NRXN3: variants seen among roughly 807,000 people sequenced by gnomAD.
NRXN3 encodes neurexin III.
In NRXN3, 32 loss-of-function variants were observed where a neutral mutation model predicts 137.6. The observed-to-expected ratio is 0.23, with a 90% CI of 0.18 to 0.31. The LOEUF (loss-of-function observed/expected upper bound fraction) is 0.31, where lower values mean the gene tolerates loss of function less well. Among genes scored for constraint, NRXN3 ranks in the 10% least tolerant of loss-of-function variants. The pLI is 1.00. For synonymous variants in NRXN3, 798 were observed against 784.5 expected (o/e 1.02, Z -0.29); for missense variants, 1,574 against 2,062.5 (o/e 0.76, Z 4.59).
chr14:79,044,040 A>G, intron 15 of NRXN3, among the ~76,000 whole-genome samples: 1 of 152,192 alleles, frequency 6.6e-6, no homozygotes, highest in East Asian at 1.9e-4. Flanking sequence ...ATGTCTCCAG[A>G]CATTTCCACA....
intron 16 of NRXN3, among the ~76,000 whole-genome samples, chr14:79,617,751 G>A (rs1312044649): frequency 6.6e-6 from 1 of 152,080 alleles, no homozygotes; most frequent in Admixed American, 6.6e-5. Flanking sequence ...AAATGAGACT[G>A]ACGAAGTGAC....
chr14:78,590,855 G>A (rs958865498), intron 4 of NRXN3, among the ~76,000 whole-genome samples: 3 of 152,060 alleles, frequency 2.0e-5, no homozygotes, highest in Admixed American at 6.5e-5. Context: ...CCAAGAGCAG[G>A]CCACTGCACT....
intron 15 of NRXN3, among the ~76,000 whole-genome samples, chr14:79,340,412 G>T (rs762248449): frequency 6.6e-6 from 1 of 152,082 alleles, no homozygotes; most frequent in Non-Finnish European, 1.5e-5. Flanking sequence ...AAAGTGTTTT[G>T]AGAACATTGA....
At chr14:78,214,911 C>G (rs1173107361) in intron 1 of NRXN3, among the ~76,000 whole-genome samples, 1 of 152,140 alleles carries the variant, frequency 6.6e-6, no homozygotes, top group African/African-American at 2.4e-5. Flanking sequence ...TGCCTGGGTT[C>G]CATATGGGCT....
At chr14:78,295,425 G>A (rs1324211080) in intron 3 of NRXN3, among the ~76,000 whole-genome samples, 1 of 152,136 alleles carries the variant, frequency 6.6e-6, no homozygotes, top group Non-Finnish European at 1.5e-5. Context: ...AACCTGATAA[G>A]TACATATTTG....
intron 4 of NRXN3, among the ~76,000 whole-genome samples, chr14:78,603,415 G>A (rs2097218174): frequency 1.3e-5 from 2 of 152,292 alleles, no homozygotes; most frequent in South Asian, 4.1e-4. Context: ...TGTCCTCTGA[G>A]GGATAAATTC....
rs553762716 is a variant in NRXN3 at position 79,286,798 on chromosome 14, A to G, written c.3263-180423A>G. 1.8e-3 allele frequency among the ~76,000 whole-genome samples: 276 copies of G among 152,222 alleles called. 1 individual carries two copies. Among genetic ancestry groups the G allele is most frequent in the African/African-American group, 6.2e-3 (256 of 41,556 alleles). On this transcript the variant is annotated intron_variant, in intron 15 of 20. Coordinates refer to ENST00000335750, the MANE Select transcript of NRXN3 (RefSeq NM_001330195.2). ...TTGGTTCTAAGAAACTTTGTCTCTA[A>G]GAAACTAAGTTACTAAGAAACATTG...
intron 17 of NRXN3, among the ~76,000 whole-genome samples, chr14:79,681,354 T>C (rs1292804369): frequency 6.6e-6 from 1 of 152,194 alleles, no homozygotes; most frequent in African/African-American, 2.4e-5. Flanking sequence ...TTAGGTTCGC[T>C]GCATTGCAAA....
chr14:79,133,721 C>T (rs916715496), intron 15 of NRXN3, among the ~76,000 whole-genome samples: 5 of 151,536 alleles, frequency 3.3e-5, no homozygotes, highest in South Asian at 4.2e-4. Context: ...GTCAGGGGAT[C>T]GAGACTATCC....
intron 16 of NRXN3, among the ~76,000 whole-genome samples, chr14:79,567,695 T>C (rs147929771): frequency 7.1e-4 from 108 of 152,310 alleles, no homozygotes; most frequent in African/African-American, 2.5e-3. Flanking sequence ...TATTTTCATA[T>C]TATTTTTGTT....
intron 19 of NRXN3, among the ~76,000 whole-genome samples, chr14:79,748,279 T>G (rs1443331939): frequency 6.6e-6 from 1 of 151,938 alleles, no homozygotes; most frequent in Admixed American, 6.6e-5. Context: ...CCTCTTAAAG[T>G]TATAAGGGAG....
chr14:78,579,474 G>A lies in NRXN3; in HGVS notation c.758-65646G>A, dbSNP rs74064314. ...TAACTGCTAACCATTGTTTAAGACC[G>A]CAGTGAGATCCACAGGGTAGTCTCA... On this transcript the variant is annotated intron_variant, in intron 4 of 20. Coordinates refer to ENST00000335750, the MANE Select transcript of NRXN3 (RefSeq NM_001330195.2). 2.3e-3 allele frequency among the ~76,000 whole-genome samples: 357 copies of A among 151,990 alleles called. 1 individual carries two copies. The highest frequency in any genetic ancestry group is 8.0e-3 in the African/African-American group (332 of 41,454).
chr14:78,970,193 A>G (rs1313329554), intron 14 of NRXN3, among the ~76,000 whole-genome samples: 1 of 152,226 alleles, frequency 6.6e-6, no homozygotes, highest in Non-Finnish European at 1.5e-5. Context: ...TTAAAAGTTA[A>G]CAGGAATCAT....
intron 8 of NRXN3, among the ~76,000 whole-genome samples, chr14:78,775,098 T>C (rs1371828129): frequency 6.6e-6 from 1 of 152,226 alleles, no homozygotes; most frequent in East Asian, 1.9e-4. Context: ...TCAACCTATA[T>C]ACTTCCTGCA....
At chr14:79,390,204 C>A (rs1599607417) in intron 15 of NRXN3, among the ~76,000 whole-genome samples, 2 of 151,412 alleles carry the variant, frequency 1.3e-5, no homozygotes, top group Admixed American at 6.6e-5. Flanking sequence ...GTAGTCCCAG[C>A]TACTCGGGAG....
intron 6 of NRXN3, among the ~76,000 whole-genome samples, chr14:78,685,468 T>C (rs945599418): frequency 6.6e-6 from 1 of 152,024 alleles, no homozygotes; most frequent in Non-Finnish European, 1.5e-5. Flanking sequence ...TCATTCACCC[T>C]GATGCAGCCA....
intron 4 of NRXN3, among the ~76,000 whole-genome samples, chr14:78,360,251 C>A (rs1052136203): frequency 2.6e-5 from 4 of 152,102 alleles, no homozygotes; most frequent in African/African-American, 9.7e-5. Context: ...GTTCATGGGC[C>A]CCATCCAGGC....
rs112154440 is a variant in NRXN3, at chr14:78,726,664, A to G, written c.2044+11525A>G. Among the ~76,000 whole-genome samples, 1,364 of 151,894 alleles carry G rather than the reference A, an allele frequency of 9.0e-3. 12 individuals are homozygous for G. The highest frequency in any genetic ancestry group is 0.015 in the Non-Finnish European group (1,032 of 67,936). On this transcript the variant is annotated intron_variant, in intron 8 of 20. Coordinates refer to ENST00000335750, the MANE Select transcript of NRXN3 (RefSeq NM_001330195.2). ...CTCTTAAGTAGCTGGGACCACAGGC[A>G]TGTACCATCACACCCGGCTAATTTT...
At chr14:79,158,027 A>G (rs140267461) in intron 15 of NRXN3, among the ~76,000 whole-genome samples, 1 of 151,806 alleles carries the variant, frequency 6.6e-6, no homozygotes, top group African/African-American at 2.4e-5. Context: ...TCATGTCCTC[A>G]TTTGTAAATT....
Sources: gnomAD v4.1 joint callset for allele counts (sites outside exome capture counted in the v4.1 genomes callset) on GRCh38, gnomAD v4.1.1 for gene constraint, MANE v1.5 for transcripts, NCBI Gene and HGNC (gene_info 2026-07-23, HGNC 2026-07-21) for gene names.